The following SPOCK3 variants were observed in gnomAD, a reference collection of about 807,000 sequenced individuals.
The protein encoded by SPOCK3 is SPARC (osteonectin), cwcv and kazal like domains proteoglycan 3, also known as testican-3.
Under a neutral mutation model 56.6 loss-of-function variants are expected in SPOCK3, and 30 were observed. The observed-to-expected ratio is 0.53, with a 90% CI of 0.40 to 0.72. The LOEUF (loss-of-function observed/expected upper bound fraction) is 0.72, where lower values mean the gene tolerates loss of function less well. SPOCK3 is among the 30% of genes least tolerant of loss of function. The pLI, the probability that SPOCK3 is intolerant of heterozygous loss-of-function variation, is 0.00. For synonymous variants in SPOCK3, 196 were observed against 183.3 expected (o/e 1.07, Z -0.56); for missense variants, 527 against 530.0 (o/e 0.99, Z 0.06).
At chr4:166,861,872 A>G (rs1731279938) in intron 6 of SPOCK3, among the ~76,000 whole-genome samples, 1 of 151,616 alleles carries the variant, frequency 6.6e-6, no homozygotes, top group Non-Finnish European at 1.5e-5. Flanking sequence ...TCCTCTTCAC[A>G]CTCTTCCTTT....
In SPOCK3 at chr4:167,206,321, T is replaced by C. The variant is rs918233578; in HGVS notation, c.189+27664A>G. On this transcript the variant is annotated intron_variant, in intron 2 of 10. Coordinates refer to ENST00000357545, the MANE Select transcript of SPOCK3 (RefSeq NM_001040159.2). ...CCTGAGCGACAGAAGTGAAACTCCA[T>C]CTTGAAAAATAAAAAAAAATAAGTA... 2.6e-5 allele frequency among the ~76,000 whole-genome samples: 4 copies of C among 151,924 alleles called. No individual in the cohort carries two copies. The South Asian group carries it at 8.3e-4, about 31-fold the overall frequency.
rs146636902 is a variant in SPOCK3, at chr4:166,891,651, G to A, written c.475-2407C>T. 2.0e-4 allele frequency among the ~76,000 whole-genome samples: 30 copies of A among 151,998 alleles called. No homozygotes were observed. In the East Asian group the frequency reaches 5.2e-3, roughly 26 times the overall value. On this transcript the variant is annotated intron_variant, in intron 5 of 10. Coordinates refer to ENST00000357545, the MANE Select transcript of SPOCK3 (RefSeq NM_001040159.2). ...TAATTTAAAAGTCCAAAATCTATTC[G>A]AAGGTAGACATAAATAGTTAAGCAA...
chr4:167,030,281 T>C (rs1752147251), intron 3 of SPOCK3, among the ~76,000 whole-genome samples: 1 of 152,090 alleles, frequency 6.6e-6, no homozygotes. Context: ...TTGCTTTTGA[T>C]TAATCTTTTG....
At chr4:167,178,091 C>T (rs887655331) in intron 2 of SPOCK3, among the ~76,000 whole-genome samples, 1 of 152,132 alleles carries the variant, frequency 6.6e-6, no homozygotes, top group Admixed American at 6.6e-5. Context: ...GGCCATTGTG[C>T]TGTATTATCA....
intron 2 of SPOCK3, among the ~76,000 whole-genome samples, chr4:167,195,499 T>C (rs1324617746): frequency 1.3e-5 from 2 of 152,148 alleles, no homozygotes; most frequent in African/African-American, 2.4e-5. Context: ...TGGGCCTGCA[T>C]CTGAGGGCAT....
chr4:167,105,504 C>A, intron 2 of SPOCK3, among the ~76,000 whole-genome samples: 1 of 104,264 alleles, frequency 9.6e-6, no homozygotes, highest in Middle Eastern at 6.6e-3. Flanking sequence ...CAGAAAAAAT[C>A]ACCTTCACTA....
At chr4:167,115,499 G>A (rs1310505261) in intron 2 of SPOCK3, among the ~76,000 whole-genome samples, 6 of 152,172 alleles carry the variant, frequency 3.9e-5, no homozygotes, top group Non-Finnish European at 8.8e-5. Context: ...GAAAGAAGGA[G>A]AAAGTAATAC....
chr4:167,172,421 G>A (rs1730584717), intron 2 of SPOCK3, among the ~76,000 whole-genome samples: 1 of 152,036 alleles, frequency 6.6e-6, no homozygotes, highest in Non-Finnish European at 1.5e-5. Context: ...CATAATGAAG[G>A]CAAAAGCTGC....
chr4:166,995,609 A>G (rs1748285627), intron 4 of SPOCK3, among the ~76,000 whole-genome samples: 1 of 151,950 alleles, frequency 6.6e-6, no homozygotes, highest in Non-Finnish European at 1.5e-5. Flanking sequence ...ATACCTATCA[A>G]TTATGCTTCT....
chr4:167,121,473 C>CAA (rs534784701), intron 2 of SPOCK3, among the ~76,000 whole-genome samples: 2 of 119,370 alleles, frequency 1.7e-5, no homozygotes, highest in Non-Finnish European at 1.8e-5. Context: ...TGGTTTCAAA[C>CAA]AAAAAAAAAA....
chr4:167,112,831 T>C (rs1320156448), intron 2 of SPOCK3, among the ~76,000 whole-genome samples: 1 of 86,714 alleles, frequency 1.2e-5, no homozygotes, highest in Non-Finnish European at 2.2e-5. Context: ...AGGACTCTGT[T>C]CAAAAGTGCT....
intron 4 of SPOCK3, among the ~76,000 whole-genome samples, chr4:166,927,317 C>A (rs1739226028): frequency 6.6e-6 from 1 of 152,082 alleles, no homozygotes; most frequent in South Asian, 2.1e-4. Context: ...CCATACAGTT[C>A]CTGTGGTAGT....
chr4:167,140,622 T>C (rs997067071), intron 2 of SPOCK3, among the ~76,000 whole-genome samples: 1 of 152,026 alleles, frequency 6.6e-6, no homozygotes, highest in African/African-American at 2.4e-5. Flanking sequence ...ACCAGACAGA[T>C]TGTGTATCTA....
At chr4:167,000,813 G>A (rs10012667) in intron 3 of SPOCK3, among the ~76,000 whole-genome samples, 3,747 of 152,234 alleles carry the variant, frequency 0.025, 168 homozygotes, top group African/African-American at 0.085. Flanking sequence ...TTTTATGACA[G>A]TGGAAAACTG....
chr4:166,934,880 A>G (rs1291344798), intron 4 of SPOCK3, among the ~76,000 whole-genome samples: 1 of 152,000 alleles, frequency 6.6e-6, no homozygotes, highest in Non-Finnish European at 1.5e-5. Flanking sequence ...GCACTTTTAT[A>G]TAGAAAGCTA....
chr4:167,154,039 G>A (rs185896101), intron 2 of SPOCK3, among the ~76,000 whole-genome samples: 111 of 152,094 alleles, frequency 7.3e-4, no homozygotes, highest in African/African-American at 2.2e-3. Flanking sequence ...TAAGGATCAC[G>A]TACAATATTT....
intron 5 of SPOCK3, among the ~76,000 whole-genome samples, chr4:166,894,659 G>A (rs780508776): frequency 1.3e-4 from 20 of 152,014 alleles, no homozygotes; most frequent in Non-Finnish European, 2.6e-4. Context: ...ATGTAGTCAC[G>A]AACAAGTTAA....
intron 6 of SPOCK3, among the ~76,000 whole-genome samples, chr4:166,877,813 A>C (rs1051302981): frequency 1.3e-5 from 2 of 152,222 alleles, no homozygotes. Flanking sequence ...TTATGTAAAA[A>C]TAGTAGAAAC....
chr4:167,095,918 G>A (rs1044198034), intron 2 of SPOCK3, among the ~76,000 whole-genome samples: 1 of 151,700 alleles, frequency 6.6e-6, no homozygotes, highest in African/African-American at 2.4e-5. Flanking sequence ...AGGAAACACA[G>A]CATACAAGGA....
Sources: allele counts gnomAD v4.1 joint callset (sites outside exome capture counted in the v4.1 genomes callset), GRCh38; gene constraint gnomAD v4.1.1; transcripts MANE v1.5; gene names NCBI Gene and HGNC (gene_info 2026-07-23, HGNC 2026-07-21).